The following KLHL32 variants were observed in gnomAD, a reference collection of about 807,000 sequenced individuals.
KLHL32 encodes kelch like family member 32, also known as kelch-like protein 32.
KLHL32 carries 35 observed loss-of-function variants against 64.8 expected under a neutral mutation model. The observed-to-expected ratio is 0.54, with a 90% CI of 0.41 to 0.72. KLHL32 has a LOEUF of 0.72. Ranked by LOEUF, KLHL32 falls within the 30% of genes least tolerant of loss-of-function variation. The pLI is 0.00. For missense variants in KLHL32, 589 were observed against 768.5 expected (o/e 0.77, Z 2.76); for synonymous variants, 259 against 281.0 (o/e 0.92, Z 0.78).
intron 1 of KLHL32, among the ~76,000 whole-genome samples, chr6:96,939,023 A>G (rs960314197): frequency 1.3e-5 from 2 of 152,152 alleles, no homozygotes; most frequent in Non-Finnish European, 2.9e-5. Context: ...GAATGTAGGC[A>G]GTCTTTTTTG....
intron 5 of KLHL32, among the ~76,000 whole-genome samples, chr6:97,081,600 C>T (rs925032450): frequency 5.3e-5 from 8 of 152,146 alleles, no homozygotes; most frequent in Non-Finnish European, 7.4e-5. Flanking sequence ...CAGCATCAAA[C>T]GGCTTCTCAG....
chr6:96,965,111 C>A (rs1774310074), intron 1 of KLHL32, among the ~76,000 whole-genome samples: 1 of 152,162 alleles, frequency 6.6e-6, no homozygotes, highest in South Asian at 2.1e-4. Context: ...TTTTTCTGTT[C>A]CTGCATTAAT....
At chr6:97,113,642 A>G (rs1797467034) in intron 6 of KLHL32, 141 bp from the exon 7 acceptor site, 1 of 1,174,140 alleles carries the variant, frequency 8.5e-7, no homozygotes, top group Non-Finnish European at 1.2e-6. Context: ...ATGGGCTTCA[A>G]AATATTCCAG....
At chr6:96,945,752 G>A (rs552277882) in intron 1 of KLHL32, among the ~76,000 whole-genome samples, 2 of 152,120 alleles carry the variant, frequency 1.3e-5, no homozygotes, top group South Asian at 2.1e-4. Context: ...GTAGCTTCCC[G>A]GGGGAGTCAC....
intron 7 of KLHL32, among the ~76,000 whole-genome samples, chr6:97,119,998 AG>A (rs1358857643): frequency 6.6e-6 from 1 of 151,848 alleles, no homozygotes; most frequent in Non-Finnish European, 1.5e-5. Context: ...TAAGGATGCA[AG>A]TGCACCGAGC....
intron 3 of KLHL32, among the ~76,000 whole-genome samples, chr6:97,005,823 C>G (rs184902656): frequency 2.4e-4 from 37 of 152,168 alleles, no homozygotes; most frequent in African/African-American, 7.9e-4. Flanking sequence ...TCTTTTCTAT[C>G]AGACTGTGCT....
At chr6:96,967,651 G>A (rs2128034275) in intron 2 of KLHL32, among the ~76,000 whole-genome samples, 1 of 152,126 alleles carries the variant, frequency 6.6e-6, no homozygotes. Context: ...TTGGTGCTGA[G>A]GACCCAGCTA....
chr6:96,921,188 T>C (rs535851479), upstream of KLHL32, among the ~76,000 whole-genome samples: 1 of 152,346 alleles, frequency 6.6e-6, no homozygotes, highest in South Asian at 2.1e-4. Flanking sequence ...ACGATATTCT[T>C]TCTTACAGTT....
At chr6:97,065,290 CT>C (rs1789563513) in intron 5 of KLHL32, among the ~76,000 whole-genome samples, 1 of 152,216 alleles carries the variant, frequency 6.6e-6, no homozygotes, top group South Asian at 2.1e-4. Context: ...ACACCAAGCA[CT>C]GACTGTGTGT....
intron 6 of KLHL32, among the ~76,000 whole-genome samples, chr6:97,095,542 G>A (rs1168555938): frequency 6.6e-6 from 1 of 152,150 alleles, no homozygotes; most frequent in Admixed American, 6.5e-5. Flanking sequence ...TGAAACAGCT[G>A]GGAAATCCTG....
At chr6:96,931,354 C>T (rs1769862726) in intron 1 of KLHL32, among the ~76,000 whole-genome samples, 1 of 152,156 alleles carries the variant, frequency 6.6e-6, no homozygotes. Flanking sequence ...AAAGTCACCC[C>T]CCGGCTCATG....
intron 4 of KLHL32, among the ~76,000 whole-genome samples, chr6:97,053,767 A>G (rs1251665951): frequency 6.6e-6 from 1 of 151,784 alleles, no homozygotes; most frequent in Non-Finnish European, 1.5e-5. Flanking sequence ...GTATATAATA[A>G]ATGTATTAAA....
intron 3 of KLHL32, among the ~76,000 whole-genome samples, chr6:96,991,385 TG>T (rs144888937): frequency 0.011 from 1,696 of 152,226 alleles, 26 homozygotes; most frequent in Non-Finnish European, 0.019. Context: ...GTATGGTGGC[TG>T]GGTGTGCTAG....
chr6:96,926,721 C>T (rs1212116713), intron 1 of KLHL32, among the ~76,000 whole-genome samples: 1 of 152,160 alleles, frequency 6.6e-6, no homozygotes, highest in Non-Finnish European at 1.5e-5. Context: ...AACTTGCAAA[C>T]CACTGTAAAG....
At chr6:97,132,568 A>G in intron 9 of KLHL32, 85 bp from the exon 10 acceptor site, 1 of 1,010,188 alleles carries the variant, frequency 9.9e-7, no homozygotes, top group South Asian at 1.4e-5. Context: ...ACAAAGGAAA[A>G]TTGTATCCCT....
Position 97,077,370 on chromosome 6 carries a change from G to A in KLHL32, c.412-7756G>A, listed in dbSNP as rs192238169. On this transcript the variant is annotated intron_variant, in intron 5 of 10. Transcript: ENST00000369261. ...GCTTATGGTATAAAGGAAAATTAATGTGAATTCATTTGATAATGTCTGATT... is the reference window on the plus strand; with the variant it reads ...GCTTATGGTATAAAGGAAAATTAATATGAATTCATTTGATAATGTCTGATT... Among the ~76,000 whole-genome samples, 271 of 152,074 alleles carry A rather than the reference G, an allele frequency of 1.8e-3. 1 individual carries two copies. Among genetic ancestry groups the A allele is most frequent in the African/African-American group, 6.3e-3 (263 of 41,472 alleles).
intron 1 of KLHL32, among the ~76,000 whole-genome samples, chr6:96,934,076 A>G (rs1351455209): frequency 1.3e-5 from 2 of 152,230 alleles, no homozygotes; most frequent in Non-Finnish European, 2.9e-5. Context: ...CTTTGTTTGT[A>G]TTAAGAGTGC....
chr6:97,017,420 T>C (rs1582723259), intron 3 of KLHL32, among the ~76,000 whole-genome samples: 2 of 152,296 alleles, frequency 1.3e-5, no homozygotes, highest in Middle Eastern at 6.8e-3. Context: ...TCTCTAACTA[T>C]AGTTTGAGGT....
chr6:96,902,392 G>A, the KLHL32 span, among the ~76,000 whole-genome samples: 1 of 152,194 alleles, frequency 6.6e-6, no homozygotes, highest in South Asian at 2.1e-4. Flanking sequence ...CTGCATGTAT[G>A]TTTTATTTTG....
Sources: gnomAD v4.1 joint callset for allele counts (sites outside exome capture counted in the v4.1 genomes callset) on GRCh38, gnomAD v4.1.1 for gene constraint, MANE v1.5 for transcripts, NCBI Gene and HGNC (gene_info 2026-07-23, HGNC 2026-07-21) for gene names.